Variants in RFX2 observed in about 807,000 individuals in gnomAD.
RFX2 encodes the protein regulatory factor X2, also known as DNA-binding protein RFX2.
Under a neutral mutation model 87.8 loss-of-function variants are expected in RFX2, and 20 were observed. The ratio of observed to expected loss-of-function variants is 0.23; its 90% confidence interval spans 0.16 to 0.33. The LOEUF (loss-of-function observed/expected upper bound fraction) is 0.33, where lower values mean the gene tolerates loss of function less well. Among genes scored for constraint, RFX2 ranks in the 10% least tolerant of loss-of-function variants. The probability of loss-of-function intolerance (pLI) is 1.00; values close to 1 mark genes in which losing one functional copy is unlikely to be tolerated. For synonymous variants in RFX2, 397 were observed against 431.3 expected, an observed-to-expected ratio of 0.92 and a Z score of 0.98; for missense variants, 767 against 1,012.3, an observed-to-expected ratio of 0.76 and a Z score of 3.29.
chr19:6,038,290 G>A (rs185092715), intron 5 of RFX2, among the ~76,000 whole-genome samples: 114 of 119,660 alleles, frequency 9.5e-4, no homozygotes, highest in Middle Eastern at 7.2e-3. Context: ...TGGTGCCACT[G>A]CACTCCAGCC....
At chr19:6,078,375 C>T (rs1476109405) in intron 1 of RFX2, 1 of 151,390 alleles carries the variant, frequency 6.6e-6, no homozygotes, top group African/African-American at 2.4e-5. Context: ...GACGACCTGT[C>T]CCCAGTGGCA....
At chr19:6,009,220 A>C (rs947243410) in intron 9 of RFX2, among the ~76,000 whole-genome samples, 1 of 152,180 alleles carries the variant, frequency 6.6e-6, no homozygotes, top group African/African-American at 2.4e-5. Context: ...CCGAAGACTC[A>C]ACCCAGGAGG....
In RFX2 at chr19:6,022,273, C is replaced by A. The variant is rs1248991628; in HGVS notation, c.597+3890G>T. 6.6e-6 allele frequency among the ~76,000 whole-genome samples: 1 copy of A among 152,212 alleles called. No homozygotes were observed. The highest frequency in any genetic ancestry group is 6.5e-5 in the Admixed American group (1 of 15,288). On this transcript the variant is annotated intron_variant, in intron 6 of 17. Transcript: ENST00000303657. The surrounding 1 kb of genome is among the most constrained non-coding windows in gnomAD (Gnocchi z 6.2). Reference sequence around the variant, plus strand: ...CTGAGGAGCTGCCGGCTCTAGCAACCCCACTGTGGCCTGCAGGACAGCACG... The same window carrying A: ...CTGAGGAGCTGCCGGCTCTAGCAACACCACTGTGGCCTGCAGGACAGCACG...
Position 6,020,949 on chromosome 19 carries a change from C to T in RFX2, c.598-4678G>A, listed in dbSNP as rs975117754. ...AGGAAAAAAAATCCCGAAATGCCAG[C>T]GCCTCCCTCTCCCCGGCCCCCCAAC... On this transcript the variant is annotated intron_variant, in intron 6 of 17. Transcript: ENST00000303657. This position sits in a 1 kb window ranked among gnomAD's most constrained non-coding sequence, Gnocchi z 5.3. Among the ~76,000 whole-genome samples, 3 of 152,170 alleles carry T rather than the reference C, an allele frequency of 2.0e-5. No homozygotes were observed. The highest frequency in any genetic ancestry group is 4.4e-5 in the Non-Finnish European group (3 of 68,034).
intron 1 of RFX2, among the ~76,000 whole-genome samples, chr19:6,089,771 G>C (rs1338255376): frequency 6.6e-6 from 1 of 152,154 alleles, no homozygotes; most frequent in East Asian, 1.9e-4. Flanking sequence ...TAATATTTTT[G>C]TTGTAGCATC....
chr19:6,058,277 C>T (rs551948420), intron 1 of RFX2, among the ~76,000 whole-genome samples: 8 of 152,296 alleles, frequency 5.3e-5, no homozygotes, highest in Admixed American at 3.3e-4. Context: ...CACAGATGTT[C>T]CCAGACATTG....
Position 6,023,544 on chromosome 19 carries a change from T to A in RFX2, c.597+2619A>T, listed in dbSNP as rs944929106. 1.3e-5 allele frequency among the ~76,000 whole-genome samples: 2 copies of A among 152,228 alleles called. No individual in the cohort carries two copies. The highest frequency in any genetic ancestry group is 2.9e-5 in the Non-Finnish European group (2 of 68,046). The stretch of plus-strand genomic sequence containing the variant: ...TTAGAAAGATCTTATTTTACTTCCT[T>A]TGCTTCGAGTCACCAAGCCCGGAAT... On this transcript the variant is annotated intron_variant, in intron 6 of 17. Coordinates refer to ENST00000303657, the MANE Select transcript of RFX2 (RefSeq NM_000635.4). This position sits in a 1 kb window ranked among gnomAD's most constrained non-coding sequence, Gnocchi z 4.9.
rs1044946127 is a variant in RFX2 at position 5,994,113 on chromosome 19, T to A, written c.*722A>T. 6.6e-6 allele frequency: 1 copy of A among 152,212 alleles called. No individual in the cohort carries two copies. The highest frequency in any genetic ancestry group is 2.4e-5 in the African/African-American group (1 of 41,452). The allele number at this position is 152,212 out of a possible 1,614,324, so 9.4% of individuals were successfully genotyped here. On this transcript the variant is annotated 3_prime_UTR_variant, in exon 18 of 18. Coordinates refer to ENST00000303657, the MANE Select transcript of RFX2 (RefSeq NM_000635.4). ...CACGAGCGAGCCCGTTTCTGTGGCT[T>A]GTTCTTTTTCGAGCTGCGGATCTGC... is the stretch of plus-strand genomic sequence containing the variant.
At position 6,063,734 on chromosome 19, in the gene RFX2, C is replaced by T. The variant is rs1189006140; in HGVS notation, c.-8-16230G>A. Among the ~76,000 whole-genome samples the T allele has an allele frequency of 1.3e-5, 2 of 152,170 alleles. No individual in the cohort carries two copies. Among genetic ancestry groups the T allele is most frequent in the Non-Finnish European group, 2.9e-5 (2 of 68,014 alleles). ...ACCTCAGCAATGCGGATATGAGGGG[C>T]AGGAATACACTCTGGGGTGGGGCCG... On this transcript the variant is annotated intron_variant, in intron 1 of 17. Coordinates refer to ENST00000303657, the MANE Select transcript of RFX2 (RefSeq NM_000635.4). This position sits in a 1 kb window ranked among gnomAD's most constrained non-coding sequence, Gnocchi z 4.0.
At position 6,002,779 on chromosome 19, in the gene RFX2, G is replaced by A. The variant is rs148402356; in HGVS notation, c.1592C>T (p.Thr531Met). The A allele has an allele frequency of 4.9e-4, 793 of 1,613,990 alleles. No individual in the cohort carries two copies. The highest frequency in any genetic ancestry group is 6.4e-4 in the Non-Finnish European group (754 of 1,179,958). The change falls in exon 14 of 18, where the codon ACG becomes ATG. Residue 531 changes from threonine (T) to methionine (M), a missense_variant. Thr to Met is a moderately conservative substitution (Grantham distance 81). This residue lies in a region of RFX2 where 621 missense variants were observed against 873.0 expected (regional missense o/e 0.71). Coordinates refer to ENST00000303657, the MANE Select transcript of RFX2 (RefSeq NM_000635.4). The surrounding 1 kb of genome is among the most constrained non-coding windows in gnomAD (Gnocchi z 6.7). ...AQAARAVLQN[T>M]SQINQMLSDL... ...GCTGAGCATCTGGTTGATCTGGGAC[G>A]TGTTCTGCAGCACCGCCCGGGCCGC... is the stretch of plus-strand genomic sequence containing the variant.
chr19:6,077,525 A>C (rs1314564350), intron 1 of RFX2, among the ~76,000 whole-genome samples: 2 of 152,218 alleles, frequency 1.3e-5, no homozygotes, highest in Non-Finnish European at 2.9e-5. Context: ...AGAGCTAGCT[A>C]TAAGTGGGGT....
rs377002152 is a variant in RFX2, at chr19:6,070,045, G to A, written c.-8-22541C>T. On this transcript the variant is annotated intron_variant, in intron 1 of 17. Transcript: ENST00000303657. ...ATGGGATGTGGATAGGATGGGATGG[G>A]ATGGGATGGGATGGGATGGGATGGG... 2.1e-4 allele frequency among the ~76,000 whole-genome samples: 2 copies of A among 9,636 alleles called. 1 individual carries two copies. 6.3% of individuals were successfully genotyped at this position (9,636 alleles called of 152,430 possible). A position where few individuals can be genotyped will look rare whatever the true frequency, so the allele number is the denominator to read the frequency against.
rs2086849761 is a variant in RFX2 at position 6,023,658 on chromosome 19, G to A, written c.597+2505C>T. On this transcript the variant is annotated intron_variant, in intron 6 of 17. Transcript: ENST00000303657. This position sits in a 1 kb window ranked among gnomAD's most constrained non-coding sequence, Gnocchi z 4.9. Reference sequence around the variant, plus strand: ...AAACGAGAGATTTTACCTTCAGCTCGGGAATACGAATCTTCATCGGGGAAG... The same window carrying A: ...AAACGAGAGATTTTACCTTCAGCTCAGGAATACGAATCTTCATCGGGGAAG... Among the ~76,000 whole-genome samples the A allele has an allele frequency of 2.0e-5, 3 of 152,178 alleles. No individual in the cohort carries two copies. Among genetic ancestry groups the A allele is most frequent in the South Asian group, 2.1e-4 (1 of 4,830 alleles).
Position 6,061,767 on chromosome 19 carries a change from C to T in RFX2, c.-8-14263G>A, listed in dbSNP as rs533234599. Among the ~76,000 whole-genome samples, 6 of 152,324 alleles carry T rather than the reference C, an allele frequency of 3.9e-5. No individual in the cohort carries two copies. Among genetic ancestry groups the T allele is most frequent in the Non-Finnish European group, 8.8e-5 (6 of 68,030 alleles). ...TCAGGTTCAAGTCCCAGGCTTGTCA[C>T]TCGCTTACTGACTGTGGCAGTGGCC... On this transcript the variant is annotated intron_variant, in intron 1 of 17. Coordinates refer to ENST00000303657, the MANE Select transcript of RFX2 (RefSeq NM_000635.4). The surrounding 1 kb of genome is among the most constrained non-coding windows in gnomAD (Gnocchi z 5.2).
In RFX2 at chr19:6,023,000, A is replaced by C. The variant is rs1442821264; in HGVS notation, c.597+3163T>G. 1 of 152,380 alleles carries C rather than the reference A, an allele frequency of 6.6e-6. No individual in the cohort carries two copies. The highest frequency in any genetic ancestry group is 2.4e-5 in the African/African-American group (1 of 41,464). The allele number at this position is 152,380 out of a possible 1,614,324, so 9.4% of individuals were successfully genotyped here. On this transcript the variant is annotated intron_variant, in intron 6 of 17. Coordinates refer to ENST00000303657, the MANE Select transcript of RFX2 (RefSeq NM_000635.4). This position sits in a 1 kb window ranked among gnomAD's most constrained non-coding sequence, Gnocchi z 6.2. ...CAGAGATGTCTGTGAGGGGTTCCCT[A>C]GGTGGGTTTCCCACGTCTTCCACCT... is the stretch of plus-strand genomic sequence containing the variant.
intron 1 of RFX2, among the ~76,000 whole-genome samples, chr19:6,048,517 T>TC (rs2087226719): frequency 6.6e-6 from 1 of 152,118 alleles, no homozygotes; most frequent in Admixed American, 6.5e-5. Context: ...GGCACACCAG[T>TC]CCCCCGTCCT....
At position 6,026,799 on chromosome 19, in the gene RFX2, G is replaced by A. The variant is rs890831339; in HGVS notation, c.523-562C>T. On this transcript the variant is annotated intron_variant, in intron 5 of 17. Coordinates refer to ENST00000303657, the MANE Select transcript of RFX2 (RefSeq NM_000635.4). This position sits in a 1 kb window ranked among gnomAD's most constrained non-coding sequence, Gnocchi z 4.5. ...GAGGCCGTAGGATCCAGGGCCACTG[G>A]ACACTGTCTGGCGAATGTTTACCCA... 6.4e-6 allele frequency: 1 copy of A among 155,170 alleles called. No individual in the cohort carries two copies. The highest frequency in any genetic ancestry group is 1.4e-5 in the Non-Finnish European group (1 of 70,102). 9.6% of individuals were successfully genotyped at this position (155,170 alleles called of 1,614,324 possible).
rs556134446 is a variant in RFX2, at chr19:6,024,794, C to T, written c.597+1369G>A. ...ATCACGGTGAGGACGGGAGTGAGGA[C>T]GGGATCACGGTGAGGACGGGAGTGA... is the stretch of plus-strand genomic sequence containing the variant. On this transcript the variant is annotated intron_variant, in intron 6 of 17. Transcript: ENST00000303657. This position sits in a 1 kb window ranked among gnomAD's most constrained non-coding sequence, Gnocchi z 5.0. Among the ~76,000 whole-genome samples the T allele has an allele frequency of 6.1e-5, 7 of 113,946 alleles. No homozygotes were observed. The East Asian group carries it at 8.1e-4, about 13-fold the overall frequency. 74.8% of individuals were successfully genotyped at this position (113,946 alleles called of 152,430 possible). A position where few individuals can be genotyped will look rare whatever the true frequency, so the allele number is the denominator to read the frequency against.
rs1237958143 is a variant in RFX2 at position 6,045,483 on chromosome 19, A to C, written c.91-1201T>G. On this transcript the variant is annotated intron_variant, in intron 2 of 17. Transcript: ENST00000303657. This position sits in a 1 kb window ranked among gnomAD's most constrained non-coding sequence, Gnocchi z 5.2. ...TTTCAAGTGGGCACGGAAACATATC[A>C]ATTAGGCCACAACTGCTGGCAGGGC... Among the ~76,000 whole-genome samples the C allele has an allele frequency of 6.6e-6, 1 of 152,136 alleles. No individual in the cohort carries two copies. Among genetic ancestry groups the C allele is most frequent in the African/African-American group, 2.4e-5 (1 of 41,422 alleles).
Sources: gnomAD v4.1 joint callset for allele counts (sites outside exome capture counted in the v4.1 genomes callset) on GRCh38, gnomAD v4.1.1 for gene constraint, gnomAD v4.1.1 regional missense constraint, Gnocchi (gnomAD v3.1) non-coding constraint, MANE v1.5 for transcripts, NCBI Gene and HGNC (gene_info 2026-07-23, HGNC 2026-07-21) for gene names.